Variants in NRP2 observed in about 807,000 individuals in gnomAD.
The protein encoded by NRP2 is neuropilin-2.
NRP2 carries 52 observed loss-of-function variants against 110.4 expected under a neutral mutation model. That is an observed-to-expected ratio of 0.47 (90% CI 0.38 to 0.59). NRP2 has a LOEUF of 0.59. Among genes scored for constraint, NRP2 ranks in the 20% least tolerant of loss-of-function variants. The pLI is 0.00. For synonymous variants in NRP2, 508 were observed against 468.9 expected, an observed-to-expected ratio of 1.08 and a Z score of -1.08; for missense variants, 1,049 against 1,203.0, an observed-to-expected ratio of 0.87 and a Z score of 1.89.
At chr2:205,738,014 T>C (rs1312110563) in intron 7 of NRP2, among the ~76,000 whole-genome samples, 1 of 152,196 alleles carries the variant, frequency 6.6e-6, no homozygotes, top group Admixed American at 6.5e-5. Flanking sequence ...AATCATTTAC[T>C]CATTGAGGAA....
intron 11 of NRP2, among the ~76,000 whole-genome samples, chr2:205,750,947 T>G (rs1364083962): frequency 6.6e-6 from 1 of 152,150 alleles, no homozygotes. Flanking sequence ...AAGCAATAAT[T>G]TAATGCATAT....
chr2:205,740,000 GCCCC>G, intron 7 of NRP2: 1 of 249,304 alleles, frequency 4.0e-6, no homozygotes, highest in East Asian at 1.0e-4. Flanking sequence ...GGTAGAGGGT[GCCCC>G]TCATCATCTT....
intron 15 of NRP2, among the ~76,000 whole-genome samples, chr2:205,781,404 G>T (rs569315871): frequency 2.0e-5 from 3 of 152,332 alleles, no homozygotes; most frequent in Admixed American, 2.0e-4. Flanking sequence ...CTCCTACCTG[G>T]TTCTTTGTGA....
intron 1 of NRP2, among the ~76,000 whole-genome samples, chr2:205,691,324 G>A (rs983856206): frequency 2.0e-5 from 3 of 152,158 alleles, no homozygotes; most frequent in African/African-American, 7.2e-5. Context: ...AAAGGGCAGA[G>A]GCAGCCTGGA....
intron 15 of NRP2, chr2:205,776,779 C>T (rs1261690812): frequency 1.4e-6 from 2 of 1,390,346 alleles, no homozygotes; most frequent in Non-Finnish European, 1.9e-6. Context: ...TTGGACTATC[C>T]GAAGAGATCC....
chr2:205,718,942 C>A (rs373439249), intron 3 of NRP2, among the ~76,000 whole-genome samples: 36 of 143,670 alleles, frequency 2.5e-4, no homozygotes, highest in Admixed American at 3.4e-4. Context: ...AATTCCATCT[C>A]AAAAAAAAAA....
intron 9 of NRP2, 97 bp downstream of exon 9, chr2:205,743,649 C>A: frequency 6.6e-7 from 1 of 1,519,626 alleles, no homozygotes; most frequent in African/African-American, 1.4e-5. Flanking sequence ...TCTAAACAGT[C>A]GTCATCCAAC....
chr2:205,683,312 TG>T lies in NRP2; in HGVS notation c.25del (p.Val9PhefsTer3). On this transcript the variant is annotated frameshift_variant, in exon 1 of 17. Transcript: ENST00000357785. LOFTEE classifies it high-confidence loss of function. ...CAAAATGGATATGTTTCCTCTCACC[TG>T]GGTTTTCTTAGCCCTCTACTTTTCA... MDMFPLTWVFLALYFSRH... is the reference protein window; with the variant it reads MDMFPLTXVFLALYFSRH... The T allele has an allele frequency of 6.2e-7, 1 of 1,613,876 alleles. No individual in the cohort carries two copies. Among genetic ancestry groups the T allele is most frequent in the Non-Finnish European group, 8.5e-7 (1 of 1,179,808 alleles).
chr2:205,722,878 G>A (rs2057049684), intron 4 of NRP2, among the ~76,000 whole-genome samples, 170 bp downstream of exon 4: 2 of 152,234 alleles, frequency 1.3e-5, no homozygotes, highest in South Asian at 2.1e-4. Flanking sequence ...AGAAATTACA[G>A]GAAGGCTGTC....
intron 1 of NRP2, among the ~76,000 whole-genome samples, chr2:205,683,823 A>C (rs1285214558): frequency 6.6e-6 from 1 of 152,046 alleles, no homozygotes. Flanking sequence ...GAAAGACAAG[A>C]GTTTAGTTTT....
At position 205,776,927 on chromosome 2, in the gene NRP2, G is replaced by C. The variant is rs1395380956; in HGVS notation, c.2425+10124G>C. On this transcript the variant is annotated intron_variant, in intron 15 of 16. Transcript: ENST00000357785. ...GAGACGTGAGGGGAAGCCTGGATCTGTGTGTATGTACATAGTAGACATGTG... is the reference window on the plus strand; with the variant it reads ...GAGACGTGAGGGGAAGCCTGGATCTCTGTGTATGTACATAGTAGACATGTG... The C allele has an allele frequency of 4.0e-5, 47 of 1,188,936 alleles. No individual in the cohort carries two copies. In the Admixed American group the frequency reaches 1.7e-3, roughly 43 times the overall value. The allele number at this position is 1,188,936 out of a possible 1,614,324, so 73.6% of individuals were successfully genotyped here.
intron 2 of NRP2, among the ~76,000 whole-genome samples, chr2:205,711,212 G>A (rs2056790756): frequency 6.6e-6 from 1 of 152,180 alleles, no homozygotes; most frequent in Admixed American, 6.5e-5. Flanking sequence ...AACAAAAAGT[G>A]AATGAGACCT....
chr2:205,689,116 A>G (rs189484002), intron 1 of NRP2, among the ~76,000 whole-genome samples: 1 of 152,314 alleles, frequency 6.6e-6, no homozygotes, highest in East Asian at 1.9e-4. Flanking sequence ...GGCAGAGAAA[A>G]GGGGGTTTTC....
rs2057116146 is a variant in NRP2, at chr2:205,725,819, C to A, written c.821-94C>A. On this transcript the variant is annotated intron_variant, in intron 5 of 16. Coordinates refer to ENST00000357785, the MANE Select transcript of NRP2 (RefSeq NM_003872.3). The surrounding 1 kb of genome is among the most constrained non-coding windows in gnomAD (Gnocchi z 4.1). The stretch of plus-strand genomic sequence containing the variant: ...GGTCTTTTAAATGAGGAAGTGCCTG[C>A]AAGGACTTGTCCCTAGAAGGGAGGC... The A allele has an allele frequency of 1.5e-6, 2 of 1,298,396 alleles. No individual in the cohort carries two copies. The highest frequency in any genetic ancestry group is 2.9e-5 in the African/African-American group (2 of 68,782). 80.4% of individuals were successfully genotyped at this position (1,298,396 alleles called of 1,614,324 possible).
intron 9 of NRP2, among the ~76,000 whole-genome samples, chr2:205,744,325 A>G (rs752424096): frequency 3.1e-4 from 47 of 152,212 alleles, no homozygotes; most frequent in Non-Finnish European, 5.3e-4. Flanking sequence ...TTGGAGGCCA[A>G]GCTATAGAAA....
chr2:205,787,227 C>A (rs2058245195), intron 15 of NRP2, among the ~76,000 whole-genome samples: 1 of 152,112 alleles, frequency 6.6e-6, no homozygotes. Flanking sequence ...GCATTCCGCC[C>A]CCAGCCTAGG....
intron 7 of NRP2, among the ~76,000 whole-genome samples, chr2:205,732,407 A>T (rs1317876781): frequency 6.6e-6 from 1 of 152,180 alleles, no homozygotes; most frequent in East Asian, 1.9e-4. Flanking sequence ...CAGAAAACCA[A>T]ACCCTCAAAT....
chr2:205,784,001 G>C (rs74579137), intron 15 of NRP2, among the ~76,000 whole-genome samples: 28 of 148,752 alleles, frequency 1.9e-4, no homozygotes, highest in East Asian at 5.9e-4. Context: ...ATCTCTCTCT[G>C]ACACACACAC....
intron 7 of NRP2, among the ~76,000 whole-genome samples, chr2:205,735,215 A>G (rs2057321653): frequency 6.9e-6 from 1 of 144,320 alleles, no homozygotes; most frequent in African/African-American, 2.6e-5. Context: ...GTATATAAGA[A>G]AAGGCTTTAG....
Sources: gnomAD v4.1 joint callset for allele counts (sites outside exome capture counted in the v4.1 genomes callset) on GRCh38, gnomAD v4.1.1 for gene constraint, Gnocchi (gnomAD v3.1) non-coding constraint, MANE v1.5 for transcripts, NCBI Gene and HGNC (gene_info 2026-07-23, HGNC 2026-07-21) for gene names.